Variants in KIAA1217 observed in about 807,000 individuals in gnomAD.
KIAA1217 encodes the protein KIAA1217.
A neutral mutation model predicts 163.9 loss-of-function variants in KIAA1217; 88 were observed. The ratio of observed to expected loss-of-function variants is 0.54; its 90% CI spans 0.45 to 0.64. The LOEUF is 0.64. Among genes scored for constraint, KIAA1217 ranks in the 30% least tolerant of loss-of-function variants. KIAA1217 has a pLI of 0.00. For missense variants in KIAA1217, 2,372 were observed against 2,475.0 expected (o/e 0.96, Z 0.88); for synonymous variants, 903 against 923.1 (o/e 0.98, Z 0.39).
chr10:24,036,524 A>G (rs1043636759), intron 2 of KIAA1217, among the ~76,000 whole-genome samples: 5 of 152,180 alleles, frequency 3.3e-5, no homozygotes, highest in African/African-American at 1.2e-4. Context: ...GGTAATTTAT[A>G]AAGAAAAGAC....
intron 6 of KIAA1217, among the ~76,000 whole-genome samples, chr10:24,476,433 A>G (rs1159946049): frequency 6.6e-6 from 1 of 152,194 alleles, no homozygotes. Flanking sequence ...CCAACCCTAG[A>G]GACTTCCATT....
intron 1 of KIAA1217, among the ~76,000 whole-genome samples, chr10:23,935,076 G>A (rs1255000508): frequency 2.0e-5 from 3 of 152,112 alleles, no homozygotes; most frequent in South Asian, 2.1e-4. Context: ...CACATTGGGT[G>A]CATTTCTATT....
chr10:24,378,090 TTTTTC>T (rs2052763307), intron 2 of KIAA1217, among the ~76,000 whole-genome samples: 1 of 152,160 alleles, frequency 6.6e-6, no homozygotes, highest in Non-Finnish European at 1.5e-5. Context: ...TCTCTGCACT[TTTTTC>T]TGTTTCACTT....
At chr10:24,475,447 T>C (rs1309116146) in intron 6 of KIAA1217, among the ~76,000 whole-genome samples, 1 of 152,164 alleles carries the variant, frequency 6.6e-6, no homozygotes, top group Non-Finnish European at 1.5e-5. Context: ...GGGCAATCCC[T>C]TCTTACTTGT....
chr10:24,334,462 AG>A (rs1483234749), intron 2 of KIAA1217, among the ~76,000 whole-genome samples: 4 of 149,818 alleles, frequency 2.7e-5, no homozygotes, highest in Non-Finnish European at 5.9e-5. Flanking sequence ...GAAGGAAGGA[AG>A]GAAGGAAGGA....
At chr10:23,798,834 G>A (rs957575149) in intron 1 of KIAA1217, among the ~76,000 whole-genome samples, 2 of 152,178 alleles carry the variant, frequency 1.3e-5, no homozygotes, top group Non-Finnish European at 2.9e-5. Flanking sequence ...TGGAAGGAAG[G>A]ATGAGAGATG....
At chr10:24,188,719 C>T (rs1047139468) in intron 2 of KIAA1217, among the ~76,000 whole-genome samples, 4 of 152,130 alleles carry the variant, frequency 2.6e-5, no homozygotes, top group Non-Finnish European at 5.9e-5. Context: ...CTATTGAAAT[C>T]GTCTTTGTTA....
upstream of KIAA1217, among the ~76,000 whole-genome samples, chr10:24,207,697 G>A (rs530012447): frequency 3.3e-5 from 5 of 152,282 alleles, no homozygotes; most frequent in South Asian, 6.2e-4. Context: ...GAAAAATCCC[G>A]TTAAGAATTG....
At chr10:24,457,258 C>T (rs981792327) in intron 5 of KIAA1217, among the ~76,000 whole-genome samples, 9 of 152,000 alleles carry the variant, frequency 5.9e-5, no homozygotes, top group African/African-American at 2.2e-4. Context: ...GATAAGCTAC[C>T]TTTGGTTCAG....
At chr10:23,737,368 T>C (rs774060917) in intron 1 of KIAA1217, among the ~76,000 whole-genome samples, 53 of 151,786 alleles carry the variant, frequency 3.5e-4, no homozygotes, top group Non-Finnish European at 7.1e-4. Context: ...CTAGCTAATT[T>C]TTTTTTAGTA....
intron 1 of KIAA1217, among the ~76,000 whole-genome samples, chr10:23,960,716 A>G (rs1204094704): frequency 6.6e-6 from 1 of 152,232 alleles, no homozygotes; most frequent in Non-Finnish European, 1.5e-5. Flanking sequence ...GCCAATAAAT[A>G]AATGGAATCA....
intron 1 of KIAA1217, among the ~76,000 whole-genome samples, chr10:24,000,851 G>A (rs556304987): frequency 2.8e-4 from 43 of 152,246 alleles, no homozygotes; most frequent in Non-Finnish European, 5.1e-4. Flanking sequence ...GGCCTCCTGT[G>A]TGTTCAAATG....
intron 1 of KIAA1217, among the ~76,000 whole-genome samples, chr10:23,802,318 G>T (rs926286112): frequency 8.5e-5 from 13 of 152,190 alleles, no homozygotes; most frequent in African/African-American, 3.1e-4. Context: ...AAGAGTGATT[G>T]AGGGCCCAAA....
chr10:23,838,724 G>T (rs780666292), intron 1 of KIAA1217, among the ~76,000 whole-genome samples: 1 of 152,188 alleles, frequency 6.6e-6, no homozygotes, highest in African/African-American at 2.4e-5. Flanking sequence ...GCCTCCCAAA[G>T]TGTTGGGATA....
chr10:24,197,450 C>T (rs1000214755), intron 2 of KIAA1217, among the ~76,000 whole-genome samples: 1 of 152,188 alleles, frequency 6.6e-6, no homozygotes. Context: ...CCTATTAGAG[C>T]AGTGAACTTG....
chr10:24,143,793 T>C (rs1404076495), intron 2 of KIAA1217, among the ~76,000 whole-genome samples: 1 of 151,138 alleles, frequency 6.6e-6, no homozygotes, highest in Non-Finnish European at 1.5e-5. Context: ...GCAAATCTTT[T>C]GACTGGGGCT....
At chr10:23,951,415 A>C (rs1003195300) in intron 1 of KIAA1217, among the ~76,000 whole-genome samples, 1 of 152,156 alleles carries the variant, frequency 6.6e-6, no homozygotes, top group Admixed American at 6.6e-5. Flanking sequence ...GCACTTTAGG[A>C]GCCTGAGGTG....
chr10:24,140,306 G>A lies in KIAA1217; in HGVS notation c.-170-79320G>A, dbSNP rs145997905. On this transcript the variant is annotated intron_variant, in intron 2 of 18. Coordinates refer to the KIAA1217 transcript ENST00000376462. The stretch of plus-strand genomic sequence containing the variant: ...ACCCGGGAGGCGGAGGTTGCAGTGA[G>A]CCGAAATCGTGCCACTGTACTCCAG... Among the ~76,000 whole-genome samples, 500 of 150,416 alleles carry A rather than the reference G, an allele frequency of 3.3e-3. 1 individual carries two copies. Among genetic ancestry groups the A allele is most frequent in the African/African-American group, 0.011 (467 of 40,808 alleles).
At chr10:24,055,806 A>T (rs1462096177) in intron 2 of KIAA1217, among the ~76,000 whole-genome samples, 1 of 152,112 alleles carries the variant, frequency 6.6e-6, no homozygotes, top group Non-Finnish European at 1.5e-5. Flanking sequence ...TCTCAAATCT[A>T]TTCTATTTGT....
Sources: gnomAD v4.1 joint callset for allele counts (sites outside exome capture counted in the v4.1 genomes callset) on GRCh38, gnomAD v4.1.1 for gene constraint, MANE v1.5 for transcripts, NCBI Gene and HGNC (gene_info 2026-07-23, HGNC 2026-07-21) for gene names.